The following NOX4 variants were observed in gnomAD, a reference collection of about 807,000 sequenced individuals.
NOX4 encodes NADPH oxidase 4, also known as kidney oxidase-1.
A neutral mutation model predicts 87.6 loss-of-function variants in NOX4; 69 were observed. That is an observed-to-expected ratio of 0.79 (90% CI 0.65 to 0.96). The LOEUF (loss-of-function observed/expected upper bound fraction) is 0.96, where lower values mean the gene tolerates loss of function less well. NOX4 is among the 40% of genes least tolerant of loss of function. The pLI is 0.00. For synonymous variants in NOX4, 275 were observed against 238.2 expected (o/e 1.15, Z -1.42); for missense variants, 680 against 681.5 (o/e 1.00, Z 0.02).
At chr11:89,441,313 C>T (rs1375366386) in intron 5 of NOX4, among the ~76,000 whole-genome samples, 2 of 152,136 alleles carry the variant, frequency 1.3e-5, no homozygotes, top group Non-Finnish European at 2.9e-5. Flanking sequence ...CTTTAAACTA[C>T]ATCTCTTATG....
chr11:89,335,619 A>C (rs76312364), intron 17 of NOX4, among the ~76,000 whole-genome samples: 1 of 151,950 alleles, frequency 6.6e-6, no homozygotes, highest in East Asian at 1.9e-4. Flanking sequence ...AGTTTAGCTC[A>C]TAAATACACT....
At chr11:89,548,332 A>G in the NOX4 span, 4 of 152,210 alleles carry the variant, frequency 2.6e-5, no homozygotes, top group African/African-American at 9.6e-5. Context: ...ATACATGAGA[A>G]GTTGGTCATC....
At chr11:89,486,994 G>T (rs1354647958) in intron 2 of NOX4, among the ~76,000 whole-genome samples, 1 of 151,718 alleles carries the variant, frequency 6.6e-6, no homozygotes, top group African/African-American at 2.4e-5. Context: ...TTTTTAATGT[G>T]CTACTAGAAA....
At chr11:89,488,241 C>T (rs1438681797) in intron 2 of NOX4, among the ~76,000 whole-genome samples, 1 of 151,916 alleles carries the variant, frequency 6.6e-6, no homozygotes, top group Non-Finnish European at 1.5e-5. Flanking sequence ...CCTTTATGCT[C>T]CTAGTCTTCC....
intron 7 of NOX4, among the ~76,000 whole-genome samples, chr11:89,427,660 G>A (rs1486203032): frequency 6.6e-6 from 1 of 152,098 alleles, no homozygotes; most frequent in Non-Finnish European, 1.5e-5. Flanking sequence ...AGTGAGAAGA[G>A]TTTAGAGAGA....
At chr11:89,435,972 A>T (rs1944062238) in intron 6 of NOX4, among the ~76,000 whole-genome samples, 1 of 152,200 alleles carries the variant, frequency 6.6e-6, no homozygotes, top group Non-Finnish European at 1.5e-5. Flanking sequence ...ACTTACAATT[A>T]GCAAGGGCAG....
At chr11:89,399,698 C>T (rs1941710931) in intron 11 of NOX4, among the ~76,000 whole-genome samples, 1 of 150,940 alleles carries the variant, frequency 6.6e-6, no homozygotes, top group African/African-American at 2.4e-5. Flanking sequence ...ATCCGGGGCT[C>T]AAGTGGTCTT....
chr11:89,403,344 A>G (rs1228110157), intron 8 of NOX4, among the ~76,000 whole-genome samples: 19 of 152,216 alleles, frequency 1.2e-4, no homozygotes, highest in Admixed American at 1.2e-3. Context: ...ATAAGCAAGT[A>G]TTGCATGACA....
intron 2 of NOX4, among the ~76,000 whole-genome samples, chr11:89,479,742 T>C (rs1946313588): frequency 6.6e-6 from 1 of 152,220 alleles, no homozygotes; most frequent in African/African-American, 2.4e-5. Flanking sequence ...TCTTTTCCTT[T>C]ATTTACTTTT....
At chr11:89,459,286 G>C (rs1434862823) in intron 2 of NOX4, among the ~76,000 whole-genome samples, 1 of 151,928 alleles carries the variant, frequency 6.6e-6, no homozygotes, top group Non-Finnish European at 1.5e-5. Flanking sequence ...ACAGACACAG[G>C]GGTCTACTTG....
the NOX4 span, among the ~76,000 whole-genome samples, chr11:89,526,830 G>A: frequency 6.6e-6 from 1 of 152,166 alleles, no homozygotes. Context: ...CTTTATAGAA[G>A]TAAATTGGGA....
chr11:89,565,118 A>T, the NOX4 span, among the ~76,000 whole-genome samples: 4 of 152,158 alleles, frequency 2.6e-5, no homozygotes, highest in Non-Finnish European at 5.9e-5. Flanking sequence ...TAAAATATTG[A>T]GTCTTCCTAT....
chr11:89,533,529 T>G, the NOX4 span: 1 of 151,796 alleles, frequency 6.6e-6, no homozygotes, highest in Non-Finnish European at 1.5e-5. Context: ...TAGTTCCCTG[T>G]GTTGCTGCTT....
intron 16 of NOX4, 117 bp downstream of exon 16, chr11:89,337,330 C>A: frequency 4.8e-6 from 7 of 1,470,028 alleles, no homozygotes; most frequent in South Asian, 1.3e-5. Flanking sequence ...CCAAAGGAGG[C>A]TTTCCTCTAG....
At chr11:89,439,136 T>C (rs1394512268) in intron 6 of NOX4, among the ~76,000 whole-genome samples, 1 of 147,840 alleles carries the variant, frequency 6.8e-6, no homozygotes, top group Non-Finnish European at 1.5e-5. Context: ...CTTTGTAAAC[T>C]AAACTTTTCA....
chr11:89,553,321 A>T, the NOX4 span, among the ~76,000 whole-genome samples: 2 of 151,944 alleles, frequency 1.3e-5, no homozygotes, highest in Non-Finnish European at 2.9e-5. Flanking sequence ...TTCTCACAGG[A>T]TCTGGTTGTT....
chr11:89,436,461 C>T (rs1206110323), intron 6 of NOX4, among the ~76,000 whole-genome samples: 1 of 152,114 alleles, frequency 6.6e-6, no homozygotes, highest in Non-Finnish European at 1.5e-5. Flanking sequence ...TTTTTTTAGT[C>T]CTTCAAGTTA....
intron 17 of NOX4, among the ~76,000 whole-genome samples, chr11:89,335,220 C>T (rs147691913): frequency 0.072 from 10,987 of 151,722 alleles, 528 homozygotes; most frequent in Admixed American, 0.14. Flanking sequence ...GATAAATTTA[C>T]AAAAGACAAA....
chr11:89,381,566 G>T (rs317178), intron 11 of NOX4, among the ~76,000 whole-genome samples: 4 of 151,836 alleles, frequency 2.6e-5, no homozygotes, highest in Non-Finnish European at 5.9e-5. Flanking sequence ...CCCTACCTTG[G>T]CTCTCTTTTC....
Sources: gnomAD v4.1 joint callset for allele counts (sites outside exome capture counted in the v4.1 genomes callset) on GRCh38, gnomAD v4.1.1 for gene constraint, MANE v1.5 for transcripts, NCBI Gene and HGNC (gene_info 2026-07-23, HGNC 2026-07-21) for gene names.